Variants in KIAA1958 observed in about 807,000 individuals in gnomAD.
KIAA1958 encodes the protein uncharacterized protein KIAA1958.
KIAA1958 carries 14 observed loss-of-function variants against 47.2 expected under a neutral mutation model. That is an observed-to-expected ratio of 0.30 (90% CI 0.20 to 0.46). KIAA1958 has a LOEUF of 0.46. Among genes scored for constraint, KIAA1958 ranks in the 20% least tolerant of loss-of-function variants. The pLI is 1.00. For missense variants in KIAA1958, 803 were observed against 909.2 expected (o/e 0.88, Z 1.50); for synonymous variants, 354 against 353.3 (o/e 1.00, Z -0.02).
chr9:112,516,056 CTG>C (rs1834428016), intron 1 of KIAA1958, among the ~76,000 whole-genome samples: 1 of 152,154 alleles, frequency 6.6e-6, no homozygotes, highest in African/African-American at 2.4e-5. Context: ...AACTGTCTGT[CTG>C]TATTCACTGA....
intron 1 of KIAA1958, among the ~76,000 whole-genome samples, chr9:112,521,546 T>G (rs1386131329): frequency 6.6e-6 from 1 of 152,140 alleles, no homozygotes; most frequent in Non-Finnish European, 1.5e-5. Flanking sequence ...AGAATAATAT[T>G]TTTTAAAGAT....
chr9:112,645,940 G>A, intron 3 of KIAA1958, 118 bp downstream of exon 3: 1 of 693,990 alleles, frequency 1.4e-6, no homozygotes, highest in Non-Finnish European at 2.2e-6. Flanking sequence ...GGGAAACTTT[G>A]GAAGAACATG....
At chr9:112,606,370 T>C (rs1043784079) in intron 2 of KIAA1958, among the ~76,000 whole-genome samples, 1 of 152,184 alleles carries the variant, frequency 6.6e-6, no homozygotes, top group Non-Finnish European at 1.5e-5. Context: ...CCTGATCTGC[T>C]TAGAAAAAAA....
chr9:112,496,909 G>GT (rs1269048246), intron 1 of KIAA1958, among the ~76,000 whole-genome samples: 1 of 152,094 alleles, frequency 6.6e-6, no homozygotes, highest in African/African-American at 2.4e-5. Context: ...TGTAGGTTCT[G>GT]TTTTTTGGGC....
intron 1 of KIAA1958, among the ~76,000 whole-genome samples, chr9:112,551,733 C>G (rs1314823958): frequency 1.3e-5 from 2 of 152,162 alleles, no homozygotes; most frequent in African/African-American, 4.8e-5. Flanking sequence ...CCAGGGGCCT[C>G]TCTCAGTTCT....
chr9:112,564,995 T>G (rs1429778793), intron 1 of KIAA1958, among the ~76,000 whole-genome samples: 1 of 152,188 alleles, frequency 6.6e-6, no homozygotes, highest in Non-Finnish European at 1.5e-5. Flanking sequence ...GTGTGATGAG[T>G]CATAACAGTG....
At chr9:112,503,925 TTATA>T (rs5900006) in intron 1 of KIAA1958, among the ~76,000 whole-genome samples, 64 of 147,158 alleles carry the variant, frequency 4.3e-4, no homozygotes, top group Middle Eastern at 3.6e-3. Flanking sequence ...GGGTTATAAA[TTATA>T]TATATATATA....
intron 1 of KIAA1958, among the ~76,000 whole-genome samples, chr9:112,541,858 G>A (rs1834950468): frequency 6.6e-6 from 1 of 152,068 alleles, no homozygotes; most frequent in Admixed American, 6.6e-5. Flanking sequence ...TGTGAGATCT[G>A]AGAAATACTG....
intron 1 of KIAA1958, among the ~76,000 whole-genome samples, chr9:112,533,341 C>G (rs1364394440): frequency 6.6e-6 from 1 of 151,496 alleles, no homozygotes; most frequent in Non-Finnish European, 1.5e-5. Flanking sequence ...CTTTGGAAGG[C>G]CGAGGCAGGT....
At chr9:112,547,725 A>G (rs1393939374) in intron 1 of KIAA1958, among the ~76,000 whole-genome samples, 1 of 152,156 alleles carries the variant, frequency 6.6e-6, no homozygotes. Context: ...TTGTGGGGAA[A>G]ATCTACATTC....
chr9:112,490,689 AATAGG>A (rs1384012560), intron 1 of KIAA1958, among the ~76,000 whole-genome samples: 2 of 152,246 alleles, frequency 1.3e-5, no homozygotes, highest in Non-Finnish European at 2.9e-5. Flanking sequence ...AACAAAGTTT[AATAGG>A]CTTTTCTGGA....
chr9:112,657,878 CAG>C (rs1297452368), intron 3 of KIAA1958, among the ~76,000 whole-genome samples: 3 of 148,050 alleles, frequency 2.0e-5, no homozygotes, highest in African/African-American at 7.5e-5. Context: ...TTTTTTGAGA[CAG>C]AGTTTCGCTC....
chr9:112,507,897 T>C lies in KIAA1958; in HGVS notation c.-25+20779T>C, dbSNP rs1834258075. Among the ~76,000 whole-genome samples, 4 of 152,240 alleles carry C rather than the reference T, an allele frequency of 2.6e-5. No homozygotes were observed. In the South Asian group the frequency reaches 8.3e-4, roughly 32 times the overall value. ...GTCCTCCTGCCTCAGCCTCCCGAAG[T>C]GCTGAGATTATAAGTGAGATTCTAT... On this transcript the variant is annotated intron_variant, in intron 1 of 3. Transcript: ENST00000337530.
At chr9:112,526,742 T>C (rs1161963508) in intron 1 of KIAA1958, among the ~76,000 whole-genome samples, 1 of 152,172 alleles carries the variant, frequency 6.6e-6, no homozygotes, top group Admixed American at 6.5e-5. Flanking sequence ...CCCATGAAGG[T>C]GGAACCCGCA....
intron 1 of KIAA1958, among the ~76,000 whole-genome samples, chr9:112,550,582 G>T (rs1835123999): frequency 6.6e-6 from 1 of 152,208 alleles, no homozygotes; most frequent in Admixed American, 6.5e-5. Context: ...AAAGAATACA[G>T]ATTAAAATCA....
At chr9:112,651,077 T>TG (rs1409299717) in intron 3 of KIAA1958, among the ~76,000 whole-genome samples, 2 of 152,152 alleles carry the variant, frequency 1.3e-5, no homozygotes, top group African/African-American at 4.8e-5. Flanking sequence ...AATCCACAAT[T>TG]GGAGATTTCA....
chr9:112,508,709 T>C (rs988475593), intron 1 of KIAA1958, among the ~76,000 whole-genome samples: 1 of 152,262 alleles, frequency 6.6e-6, no homozygotes, highest in Non-Finnish European at 1.5e-5. Flanking sequence ...CTGAAAGTCA[T>C]GTTGTAAAAA....
At chr9:112,604,051 A>T (rs2131202653) in intron 2 of KIAA1958, among the ~76,000 whole-genome samples, 1 of 152,328 alleles carries the variant, frequency 6.6e-6, no homozygotes, top group East Asian at 1.9e-4. Context: ...ATCACAGAGG[A>T]ATGTGATAGC....
intron 2 of KIAA1958, among the ~76,000 whole-genome samples, chr9:112,631,534 G>GAAAAAAAAAAAA: frequency 2.0e-5 from 2 of 98,304 alleles, no homozygotes; most frequent in Non-Finnish European, 4.1e-5. Context: ...CTCTCTCAAA[G>GAAAAAAAAAAAA]AAAAAAAAAA....
Sources: allele counts gnomAD v4.1 joint callset (sites outside exome capture counted in the v4.1 genomes callset), GRCh38; gene constraint gnomAD v4.1.1; transcripts MANE v1.5; gene names NCBI Gene and HGNC (gene_info 2026-07-23, HGNC 2026-07-21).